Variants in EPRS1 observed in about 807,000 individuals in gnomAD.
EPRS1 encodes the protein glutamyl-prolyl-tRNA synthetase 1.
EPRS1 carries 107 observed loss-of-function variants against 188.3 expected under a neutral mutation model. The observed-to-expected ratio is 0.57, with a 90% CI of 0.49 to 0.67. The LOEUF (loss-of-function observed/expected upper bound fraction) is 0.67, where lower values mean the gene tolerates loss of function less well. Ranked by LOEUF, EPRS1 falls within the 30% of genes least tolerant of loss-of-function variation. EPRS1 has a pLI of 0.00. For missense variants in EPRS1, 1,577 were observed against 1,802.2 expected (o/e 0.88, Z 2.26); for synonymous variants, 596 against 593.1 (o/e 1.00, Z -0.07).
intron 25 of EPRS1, 130 bp downstream of exon 25, chr1:219,980,626 T>G (rs1213986551): frequency 3.2e-6 from 2 of 618,682 alleles, no homozygotes; most frequent in Non-Finnish European, 5.8e-6. Flanking sequence ...AGCAGTTACT[T>G]AAATCCATGA....
chr1:219,992,866 C>T (rs1661150958), intron 18 of EPRS1, among the ~76,000 whole-genome samples: 1 of 152,026 alleles, frequency 6.6e-6, no homozygotes, highest in Non-Finnish European at 1.5e-5. Flanking sequence ...GGCGGAGGCG[C>T]CAAGATCTCA....
chr1:220,017,276 C>T (rs1289597521), intron 12 of EPRS1, among the ~76,000 whole-genome samples: 6 of 152,086 alleles, frequency 3.9e-5, no homozygotes, highest in Non-Finnish European at 4.4e-5. Flanking sequence ...GTGCTTTCTC[C>T]AGGGAGACTA....
intron 4 of EPRS1, 82 bp from the exon 5 acceptor site, chr1:220,032,608 T>G (rs1027499725): frequency 4.6e-6 from 6 of 1,297,056 alleles, no homozygotes; most frequent in Non-Finnish European, 2.2e-6. Flanking sequence ...ATTGAAGTAA[T>G]TGAGATGGCT....
At chr1:220,024,522 T>G in intron 7 of EPRS1, 66 bp from the exon 8 acceptor site, 2 of 1,067,756 alleles carry the variant, frequency 1.9e-6, no homozygotes, top group Non-Finnish European at 2.7e-6. Flanking sequence ...TTTCAACCCT[T>G]GATACTGCAT....
chr1:219,969,178 C>T (rs368352456), intron 30 of EPRS1, 56 bp from the exon 31 acceptor site: 159 of 1,215,114 alleles, frequency 1.3e-4, no homozygotes, highest in Non-Finnish European at 1.8e-4. Flanking sequence ...TTCTATTCTG[C>T]AGAAGGAACA....
chr1:220,006,164 G>T lies in EPRS1; in HGVS notation c.1892C>A (p.Thr631Lys). Residue 631 changes from threonine (T) to lysine (K), a missense_variant, in exon 15 of 32, where the codon ACA becomes AAA. By Grantham distance (78) the Thr-to-Lys change is moderately conservative (BLOSUM62 -1). Coordinates refer to ENST00000366923, the MANE Select transcript of EPRS1 (RefSeq NM_004446.3). ...CTCGTCTTTTCCTAGCACTGGCTTTGTGATCAAGTGCTCATAAGTGACACA... is the reference window on the plus strand; with the variant it reads ...CTCGTCTTTTCCTAGCACTGGCTTTTTGATCAAGTGCTCATAAGTGACACA... The part of the protein sequence containing the change: ...VICVTYEHLI[T>K]KPVLGKDEDF... The T allele has an allele frequency of 1.3e-6, 2 of 1,597,082 alleles. No individual in the cohort carries two copies. Among genetic ancestry groups the T allele is most frequent in the Non-Finnish European group, 1.7e-6 (2 of 1,169,826 alleles).
chr1:219,979,729 T>C, intron 26 of EPRS1, 114 bp from the exon 27 acceptor site: 1 of 692,166 alleles, frequency 1.4e-6, no homozygotes, highest in South Asian at 1.9e-5. Flanking sequence ...TTCTCCCTTT[T>C]TTTACATTAA....
chr1:220,029,024 T>C (rs1662038347), intron 6 of EPRS1, among the ~76,000 whole-genome samples: 1 of 152,114 alleles, frequency 6.6e-6, no homozygotes, highest in Admixed American at 6.6e-5. Context: ...GGGAACTCAC[T>C]ATTCCCAGAA....
Position 220,001,080 on chromosome 1 carries a change from TA to T in EPRS1, c.2181+57del, listed in dbSNP as rs764227130. ...TAATCATCTGTAAAGAAATATATTC[TA>T]AACCCTGGGATAGAAAGACCATTTA... On this transcript the variant is annotated intron_variant, in intron 17 of 31. Coordinates refer to ENST00000366923, the MANE Select transcript of EPRS1 (RefSeq NM_004446.3). The T allele has an allele frequency of 2.4e-5, 23 of 950,076 alleles. No individual in the cohort carries two copies. In the East Asian group the frequency reaches 3.6e-4, roughly 15 times the overall value. 58.9% of individuals were successfully genotyped at this position (950,076 alleles called of 1,614,324 possible).
intron 6 of EPRS1, among the ~76,000 whole-genome samples, chr1:220,026,919 A>G (rs1361529683): frequency 1.3e-5 from 2 of 151,966 alleles, no homozygotes; most frequent in Non-Finnish European, 2.9e-5. Context: ...AAATTCATAA[A>G]AGTTTATGAA....
At position 219,981,381 on chromosome 1, in the gene EPRS1, C is replaced by A; in HGVS notation, c.3450G>T (p.Val1150=). Residue 1150 remains valine (V), a synonymous_variant, in exon 24 of 32, where the codon GTG becomes GTT. Coordinates refer to ENST00000366923, the MANE Select transcript of EPRS1 (RefSeq NM_004446.3). ...LPIKLNQWCN[V]VRWEFKHPQP... is the part of the protein sequence containing the mutation. ...ACAAGAGGGGGTGAATACCTACCAC[C>A]ACATTGCACCACTGATTGAGCTTGA... is the stretch of plus-strand genomic sequence containing the variant. The A allele has an allele frequency of 1.9e-6, 3 of 1,599,384 alleles. No homozygotes were observed. Among genetic ancestry groups the A allele is most frequent in the Non-Finnish European group, 2.6e-6 (3 of 1,171,272 alleles).
At chr1:219,981,069 T>C (rs1179838117) in intron 24 of EPRS1, among the ~76,000 whole-genome samples, 1 of 152,090 alleles carries the variant, frequency 6.6e-6, no homozygotes, top group Admixed American at 6.6e-5. Flanking sequence ...TGGCTAATTT[T>C]TGCATTTTTA....
intron 28 of EPRS1, among the ~76,000 whole-genome samples, chr1:219,975,044 T>C (rs7535767): frequency 1.3e-5 from 2 of 151,710 alleles, no homozygotes; most frequent in African/African-American, 4.8e-5. Context: ...CAAAAATGCC[T>C]ATGTCATAAA....
At chr1:219,980,902 CA>C in intron 24 of EPRS1, 45 bp from the exon 25 acceptor site, 17 of 1,291,348 alleles carry the variant, frequency 1.3e-5, no homozygotes, top group East Asian at 2.6e-5. Context: ...AAGAGCTTTT[CA>C]ATTTTTTTTT....
In EPRS1 at chr1:220,046,485, C is replaced by A; in HGVS notation, c.-97G>T. 1 of 1,532,110 alleles carries A rather than the reference C, an allele frequency of 6.5e-7. No homozygotes were observed. The highest frequency in any genetic ancestry group is 8.8e-7 in the Non-Finnish European group (1 of 1,139,480). 94.9% of individuals were successfully genotyped at this position (1,532,110 alleles called of 1,614,324 possible). On this transcript the variant is annotated 5_prime_UTR_variant, in exon 1 of 32. Coordinates refer to ENST00000366923, the MANE Select transcript of EPRS1 (RefSeq NM_004446.3). Reference sequence around the variant, plus strand: ...GAAGAAGATGCAACGTGTGCGCGTACCCGACGCCGCCGCAGCCTTCGCTCC... The same window carrying A: ...GAAGAAGATGCAACGTGTGCGCGTAACCGACGCCGCCGCAGCCTTCGCTCC...
Position 220,046,377 on chromosome 1 carries a change from G to A in EPRS1, c.12C>T (p.Leu4=), listed in dbSNP as rs1027116147. 2 of 1,614,122 alleles carry A rather than the reference G, an allele frequency of 1.2e-6. No individual in the cohort carries two copies. Among genetic ancestry groups the A allele is most frequent in the Admixed American group, 1.7e-5 (1 of 60,024 alleles). Residue 4 remains leucine, a synonymous_variant, in exon 1 of 32, where the codon CTC becomes CTT. Transcript: ENST00000366923. The part of the protein sequence containing the change: MAT[L]SLTVNSGDPP... ...GGTCTCCTGAATTCACGGTCAGAGAGAGCGTCGCCATCTCCACCAGTCCGC... is the reference window on the plus strand; with the variant it reads ...GGTCTCCTGAATTCACGGTCAGAGAAAGCGTCGCCATCTCCACCAGTCCGC...
At chr1:220,044,681 CAAAAAAAAAAA>C (rs71560597) in intron 1 of EPRS1, among the ~76,000 whole-genome samples, 137 of 88,344 alleles carry the variant, frequency 1.6e-3, no homozygotes, top group African/African-American at 5.2e-3. Flanking sequence ...GCTCGGTCTC[CAAAAAAAAAAA>C]AAAAAAAAAA....
intron 6 of EPRS1, among the ~76,000 whole-genome samples, chr1:220,027,287 G>T (rs917905710): frequency 2.6e-5 from 4 of 152,112 alleles, no homozygotes; most frequent in African/African-American, 9.7e-5. Context: ...AATTAGCCGA[G>T]AGTGGTGGCA....
intron 1 of EPRS1, among the ~76,000 whole-genome samples, chr1:220,043,962 G>A (rs1335963882): frequency 6.6e-6 from 1 of 152,138 alleles, no homozygotes; most frequent in Admixed American, 6.6e-5. Flanking sequence ...TTAGATGGAA[G>A]CATTGTATCC....
Sources: allele counts gnomAD v4.1 joint callset (sites outside exome capture counted in the v4.1 genomes callset), GRCh38; gene constraint gnomAD v4.1.1; transcripts MANE v1.5; gene names NCBI Gene and HGNC (gene_info 2026-07-23, HGNC 2026-07-21).